Variants in FSAF1 observed in about 807,000 individuals in gnomAD.
The protein encoded by FSAF1 is uncharacterized protein C1orf131.
the FSAF1 span, chr1:231,236,897 G>A: frequency 0.017 from 2,523 of 152,164 alleles, 73 homozygotes; most frequent in African/African-American, 0.058. Context: ...TGACCCTCCC[G>A]TAACAGTTCC....
chr1:231,238,003 A>G, the FSAF1 span: 1 of 152,218 alleles, frequency 6.6e-6, no homozygotes. Context: ...TAACATGGTG[A>G]AACCCTGACT....
the FSAF1 span, chr1:231,241,093 G>A: frequency 3.0e-5 from 48 of 1,613,952 alleles, no homozygotes; most frequent in Non-Finnish European, 3.7e-5. Flanking sequence ...GAGGACCCCG[G>A]CCCTTGCTCC....
At chr1:231,224,798 C>G in the FSAF1 span, 4 of 192,632 alleles carry the variant, frequency 2.1e-5, no homozygotes, top group Non-Finnish European at 4.2e-5. Context: ...CTTACTTATC[C>G]ATTTGTATGT....
the FSAF1 span, chr1:231,241,045 G>T: frequency 6.2e-7 from 1 of 1,614,076 alleles, no homozygotes; most frequent in South Asian, 1.1e-5. Flanking sequence ...AGGTTCTGGA[G>T]CAGAGCGTCA....
the FSAF1 span, among the ~76,000 whole-genome samples, chr1:231,234,308 C>T: frequency 4.6e-5 from 7 of 152,286 alleles, no homozygotes; most frequent in African/African-American, 1.4e-4. The surrounding 1 kb of genome is among the most constrained non-coding windows in gnomAD (Gnocchi z 4.0). Flanking sequence ...GAATGATTCA[C>T]GTTAAGATGG....
At chr1:231,229,711 A>G in the FSAF1 span, among the ~76,000 whole-genome samples, 1 of 152,226 alleles carries the variant, frequency 6.6e-6, no homozygotes, top group African/African-American at 2.4e-5. Context: ...AACCTTGAAG[A>G]CATGATGCTA....
chr1:231,240,288 C>A, the FSAF1 span, among the ~76,000 whole-genome samples: 3 of 152,186 alleles, frequency 2.0e-5, no homozygotes, highest in African/African-American at 7.2e-5. This position sits in a 1 kb window ranked among gnomAD's most constrained non-coding sequence, Gnocchi z 4.1. Context: ...GAATTTTGAG[C>A]AGTCATTCCA....
At chr1:231,234,588 T>C in the FSAF1 span, among the ~76,000 whole-genome samples, 1 of 152,180 alleles carries the variant, frequency 6.6e-6, no homozygotes, top group Non-Finnish European at 1.5e-5. This position sits in a 1 kb window ranked among gnomAD's most constrained non-coding sequence, Gnocchi z 4.0. Flanking sequence ...TTATAATCGA[T>C]TCACCACATA....
chr1:231,227,119 G>GA, the FSAF1 span: 2 of 1,560,656 alleles, frequency 1.3e-6, no homozygotes, highest in South Asian at 1.1e-5. Context: ...CAACTCCAAA[G>GA]AAAAAAACAT....
At chr1:231,227,530 C>A in the FSAF1 span, among the ~76,000 whole-genome samples, 3 of 152,052 alleles carry the variant, frequency 2.0e-5, no homozygotes, top group Non-Finnish European at 4.4e-5. Flanking sequence ...CCACCTCAGC[C>A]TCCCAAAGTG....
the FSAF1 span, among the ~76,000 whole-genome samples, chr1:231,233,431 C>G: frequency 6.6e-6 from 1 of 152,100 alleles, no homozygotes; most frequent in Admixed American, 6.5e-5. Flanking sequence ...TTTAAAAAGG[C>G]AAAACTGAAT....
chr1:231,228,561 T>C, the FSAF1 span, among the ~76,000 whole-genome samples: 1 of 142,554 alleles, frequency 7.0e-6, no homozygotes, highest in African/African-American at 2.7e-5. Context: ...ATCCTGCCAC[T>C]GCACTCCAGC....
the FSAF1 span, chr1:231,226,960 A>C: frequency 1.9e-6 from 3 of 1,613,956 alleles, no homozygotes; most frequent in Non-Finnish European, 2.5e-6. Context: ...GAAAGGTAGC[A>C]GCAGCCCCTC....
the FSAF1 span, among the ~76,000 whole-genome samples, chr1:231,229,859 T>C: frequency 6.6e-6 from 1 of 152,070 alleles, no homozygotes; most frequent in South Asian, 2.1e-4. Flanking sequence ...AGCTGGTGTT[T>C]AATGGGTATA....
chr1:231,224,258 C>T, the FSAF1 span: 3 of 1,601,364 alleles, frequency 1.9e-6, no homozygotes, highest in Non-Finnish European at 2.6e-6. Context: ...TTCCCATCCT[C>T]GTTTTATTTG....
the FSAF1 span, chr1:231,239,195 G>T: frequency 2.0e-6 from 3 of 1,537,126 alleles, no homozygotes; most frequent in African/African-American, 2.8e-5. Flanking sequence ...CCTCCTGTTT[G>T]TTCAAACACA....
the FSAF1 span, chr1:231,229,216 GA>G: frequency 1.3e-6 from 2 of 1,556,740 alleles, no homozygotes; most frequent in Non-Finnish European, 1.8e-6. Flanking sequence ...CCTGCTGAGA[GA>G]AAAAATTCTT....
At chr1:231,225,823 A>G in the FSAF1 span, 9 of 362,188 alleles carry the variant, frequency 2.5e-5, no homozygotes, top group South Asian at 1.5e-4. Context: ...ATCCTGTCTC[A>G]GTTAGAAAGA....
At chr1:231,227,904 C>T in the FSAF1 span, among the ~76,000 whole-genome samples, 2 of 152,116 alleles carry the variant, frequency 1.3e-5, no homozygotes, top group Non-Finnish European at 2.9e-5. Context: ...TCATGTTTAA[C>T]TTGAACAGCT....
Sources: gnomAD v4.1 joint callset for allele counts (sites outside exome capture counted in the v4.1 genomes callset) on GRCh38, gnomAD v4.1.1 for gene constraint, Gnocchi (gnomAD v3.1) non-coding constraint, MANE v1.5 for transcripts, NCBI Gene and HGNC (gene_info 2026-07-23, HGNC 2026-07-21) for gene names.